The following MALRD1 variants were observed in gnomAD, a reference collection of about 807,000 sequenced individuals.
MALRD1 encodes MAM and LDL receptor class A domain containing 1.
In MALRD1, 247 loss-of-function variants were observed where a neutral mutation model predicts 242.1. The observed-to-expected ratio is 1.02, with a 90% CI of 0.92 to 1.13. The LOEUF is 1.13. Ranked by LOEUF, MALRD1 falls within the 50% of genes most tolerant of loss-of-function variation. The pLI, the probability that MALRD1 is intolerant of heterozygous loss-of-function variation, is 0.00. For synonymous variants in MALRD1, 995 were observed against 866.6 expected (o/e 1.15, Z -2.60); for missense variants, 2,989 against 2,533.1 (o/e 1.18, Z -3.86).
chr10:19,109,733 C>T (rs1200058382), intron 5 of MALRD1, among the ~76,000 whole-genome samples: 1 of 152,212 alleles, frequency 6.6e-6, no homozygotes, highest in Non-Finnish European at 1.5e-5. Flanking sequence ...GAAAGATGCA[C>T]TCTAGTCATG....
chr10:19,607,821 A>G lies in MALRD1; in HGVS notation c.5989A>G (p.Asn1997Asp). The G allele has an allele frequency of 6.5e-7, 1 of 1,549,224 alleles. No homozygotes were observed. Among genetic ancestry groups the G allele is most frequent in the Non-Finnish European group, 8.7e-7 (1 of 1,146,356 alleles). ...TGGAGCTCTGGTGTGTGCCTCCTCCAACAGCTGTATCCCAGCCCACCAGCG... is the reference window on the plus strand; with the variant it reads ...TGGAGCTCTGGTGTGTGCCTCCTCCGACAGCTGTATCCCAGCCCACCAGCG... ...SNGALVCASS[N>D]SCIPAHQRCD... Residue 1997 changes from asparagine to aspartate, a missense_variant, in exon 35 of 40, where the codon AAC becomes GAC. Coordinates refer to ENST00000454679, the MANE Select transcript of MALRD1 (RefSeq NM_001142308.3).
chr10:19,281,132 C>T (rs1037845548), intron 20 of MALRD1, among the ~76,000 whole-genome samples: 1 of 152,120 alleles, frequency 6.6e-6, no homozygotes, highest in African/African-American at 2.4e-5. Flanking sequence ...CACCAATTAA[C>T]TATCTAATCT....
intron 21 of MALRD1, among the ~76,000 whole-genome samples, chr10:19,284,426 A>G (rs1841001666): frequency 9.0e-6 from 1 of 111,490 alleles, no homozygotes; most frequent in South Asian, 3.0e-4. Context: ...CACAGTCCCC[A>G]GAGTGTGATG....
At chr10:19,375,761 A>G (rs1016692685) in intron 26 of MALRD1, among the ~76,000 whole-genome samples, 59 of 152,210 alleles carry the variant, frequency 3.9e-4, no homozygotes, top group African/African-American at 1.4e-3. Flanking sequence ...AACAATAACA[A>G]AAACAGACTA....
At chr10:19,187,713 G>A (rs762963695) in intron 14 of MALRD1, among the ~76,000 whole-genome samples, 1 of 151,982 alleles carries the variant, frequency 6.6e-6, no homozygotes, top group African/African-American at 2.4e-5. Flanking sequence ...TAACAGAAAC[G>A]GAAACCAAAT....
chr10:19,666,154 C>G (rs982826043), intron 36 of MALRD1, among the ~76,000 whole-genome samples: 3 of 152,184 alleles, frequency 2.0e-5, no homozygotes, highest in African/African-American at 7.2e-5. Flanking sequence ...TTCCTGGCAT[C>G]AGCCTCCTCA....
At chr10:19,716,345 G>T (rs77785254) in intron 38 of MALRD1, among the ~76,000 whole-genome samples, 1,889 of 152,238 alleles carry the variant, frequency 0.012, 28 homozygotes, top group East Asian at 0.045. Context: ...ATCCCCCCCA[G>T]TGCTGTTCTA....
intron 14 of MALRD1, among the ~76,000 whole-genome samples, chr10:19,181,640 G>C (rs1835509222): frequency 6.6e-6 from 1 of 151,946 alleles, no homozygotes; most frequent in Non-Finnish European, 1.5e-5. Context: ...TACAACGTGA[G>C]GACTACAGTT....
At chr10:19,187,160 A>C (rs1375009813) in intron 14 of MALRD1, among the ~76,000 whole-genome samples, 3 of 152,226 alleles carry the variant, frequency 2.0e-5, no homozygotes, top group Admixed American at 6.5e-5. Flanking sequence ...ATTTGCATGC[A>C]CAAACTAATT....
chr10:19,246,815 C>G (rs896318528), intron 18 of MALRD1, among the ~76,000 whole-genome samples: 4 of 152,016 alleles, frequency 2.6e-5, no homozygotes, highest in Non-Finnish European at 5.9e-5. Flanking sequence ...ATTTTTATTT[C>G]TATATGTACA....
chr10:19,607,186 T>G (rs1189020626), intron 34 of MALRD1, among the ~76,000 whole-genome samples: 1 of 152,180 alleles, frequency 6.6e-6, no homozygotes, highest in Non-Finnish European at 1.5e-5. Flanking sequence ...ATGCATTTGA[T>G]GATATGTGTA....
chr10:19,359,730 C>T (rs1588963611), intron 26 of MALRD1, among the ~76,000 whole-genome samples: 1 of 147,844 alleles, frequency 6.8e-6, no homozygotes, highest in Non-Finnish European at 1.5e-5. Context: ...AGGATTTTGA[C>T]CCAGGAGAGC....
chr10:19,374,368 A>G (rs948315379), intron 26 of MALRD1, among the ~76,000 whole-genome samples: 1 of 152,212 alleles, frequency 6.6e-6, no homozygotes, highest in Non-Finnish European at 1.5e-5. Context: ...TCAGTGTAAT[A>G]GTTTACATGA....
chr10:19,575,959 C>T (rs1170102209), intron 33 of MALRD1, among the ~76,000 whole-genome samples: 1 of 152,190 alleles, frequency 6.6e-6, no homozygotes, highest in Non-Finnish European at 1.5e-5. Flanking sequence ...TAGACCACTC[C>T]CCTATCTTAC....
At chr10:19,306,067 TATATATA>T (rs1773507371) in intron 21 of MALRD1, among the ~76,000 whole-genome samples, 1 of 121,468 alleles carries the variant, frequency 8.2e-6, no homozygotes, top group East Asian at 2.2e-4. Flanking sequence ...TATACTATAC[TATATATA>T]CTATATACTA....
chr10:19,211,684 CAAAAAAAAAAAAAAAAAAAA>C (rs71387056), intron 18 of MALRD1, among the ~76,000 whole-genome samples: 1 of 67,324 alleles, frequency 1.5e-5, no homozygotes, highest in African/African-American at 6.2e-5. Context: ...TGACTCCTCA[CAAAAAAAAAAAAAAAAAAAA>C]AAAAAAAAAA....
intron 18 of MALRD1, among the ~76,000 whole-genome samples, chr10:19,242,933 T>C (rs1234246030): frequency 6.6e-6 from 1 of 152,082 alleles, no homozygotes; most frequent in Admixed American, 6.6e-5. Flanking sequence ...AAGTTTATTA[T>C]TGATAAATTA....
intron 28 of MALRD1, among the ~76,000 whole-genome samples, chr10:19,403,601 A>C (rs912693600): frequency 6.6e-6 from 1 of 152,128 alleles, no homozygotes; most frequent in African/African-American, 2.4e-5. Flanking sequence ...GTTAAAAAGA[A>C]GGGTAAAATA....
intron 1 of MALRD1, among the ~76,000 whole-genome samples, chr10:19,064,885 A>G (rs1281889216): frequency 1.3e-5 from 2 of 151,942 alleles, no homozygotes; most frequent in African/African-American, 4.8e-5. Flanking sequence ...TAGGTAGTGC[A>G]CCTGGAGCCA....
Sources: allele counts gnomAD v4.1 joint callset (sites outside exome capture counted in the v4.1 genomes callset), GRCh38; gene constraint gnomAD v4.1.1; transcripts MANE v1.5; gene names NCBI Gene and HGNC (gene_info 2026-07-23, HGNC 2026-07-21).